Variants in RNGTT observed in about 807,000 individuals in gnomAD.
RNGTT encodes the protein RNA guanylyltransferase and 5'-phosphatase.
In RNGTT, 33 loss-of-function variants were observed where a neutral mutation model predicts 79.3. The observed-to-expected ratio is 0.42, with a 90% CI of 0.32 to 0.56. The LOEUF (loss-of-function observed/expected upper bound fraction) is 0.56, where lower values mean the gene tolerates loss of function less well. Ranked by LOEUF, RNGTT falls within the 20% of genes least tolerant of loss-of-function variation. The pLI is 0.17. For synonymous variants in RNGTT, 222 were observed against 235.9 expected (o/e 0.94, Z 0.54); for missense variants, 497 against 739.1 (o/e 0.67, Z 3.80).
intron 11 of RNGTT, among the ~76,000 whole-genome samples, chr6:88,819,566 T>G (rs760617060): frequency 1.3e-5 from 2 of 152,190 alleles, no homozygotes; most frequent in Non-Finnish European, 2.9e-5. Context: ...CACCAGCTAC[T>G]CTAATCTTAA....
At chr6:88,664,360 CTTAG>C (rs1242916003) in intron 14 of RNGTT, among the ~76,000 whole-genome samples, 3 of 152,070 alleles carry the variant, frequency 2.0e-5, no homozygotes, top group East Asian at 3.8e-4. Flanking sequence ...TTAACATGGC[CTTAG>C]TTAGTCAAAG....
At chr6:88,882,783 C>T (rs1782731060) in intron 8 of RNGTT, among the ~76,000 whole-genome samples, 1 of 152,144 alleles carries the variant, frequency 6.6e-6, no homozygotes, top group Non-Finnish European at 1.5e-5. Flanking sequence ...ACAAAGCATT[C>T]GCCCCTTCAG....
intron 13 of RNGTT, among the ~76,000 whole-genome samples, chr6:88,682,258 G>A (rs1017586175): frequency 4.6e-5 from 7 of 152,080 alleles, no homozygotes; most frequent in African/African-American, 1.7e-4. Context: ...CTATCTACAA[G>A]CCATAACTAT....
intron 5 of RNGTT, among the ~76,000 whole-genome samples, 182 bp downstream of exon 5, chr6:88,906,183 A>G (rs1300009710): frequency 1.3e-5 from 2 of 152,158 alleles, no homozygotes; most frequent in African/African-American, 4.8e-5. Flanking sequence ...ACACATACAC[A>G]CATACACACA....
At chr6:88,785,201 C>A (rs1489454535) in intron 12 of RNGTT, among the ~76,000 whole-genome samples, 1 of 151,874 alleles carries the variant, frequency 6.6e-6, no homozygotes, top group Non-Finnish European at 1.5e-5. Flanking sequence ...TGTATATTTA[C>A]CCTCTAGGAA....
intron 8 of RNGTT, among the ~76,000 whole-genome samples, chr6:88,860,737 G>C (rs551010276): frequency 1.4e-4 from 22 of 151,942 alleles, no homozygotes; most frequent in East Asian, 5.8e-4. Context: ...CACTCTGGGA[G>C]GCCAAAGCGG....
At chr6:88,916,534 T>C (rs952600456) in intron 4 of RNGTT, among the ~76,000 whole-genome samples, 1 of 152,212 alleles carries the variant, frequency 6.6e-6, no homozygotes, top group Non-Finnish European at 1.5e-5. Context: ...TAAAATTATA[T>C]CTCAATATGT....
chr6:88,708,714 A>G (rs1256089833), intron 13 of RNGTT, among the ~76,000 whole-genome samples: 1 of 151,984 alleles, frequency 6.6e-6, no homozygotes, highest in Non-Finnish European at 1.5e-5. Flanking sequence ...GGGTTTGCAG[A>G]CTTTTTTCTG....
In RNGTT at chr6:88,859,709, T is replaced by C. The variant is rs570321501; in HGVS notation, c.897-5945A>G. ...TATCTCTGAGAGGAAACAGCAAGAC[T>C]GGTGCAGAGAGTGACAAAAGAAGTT... On this transcript the variant is annotated intron_variant, in intron 8 of 15. Transcript: ENST00000369485. Among the ~76,000 whole-genome samples the C allele has an allele frequency of 2.2e-4, 33 of 152,162 alleles. 1 individual carries two copies. The highest frequency in any genetic ancestry group is 8.3e-4 in the South Asian group (4 of 4,826).
intron 11 of RNGTT, among the ~76,000 whole-genome samples, chr6:88,818,369 G>A (rs1780392879): frequency 6.6e-6 from 1 of 152,012 alleles, no homozygotes; most frequent in African/African-American, 2.4e-5. Context: ...GATCACCCGA[G>A]GTCAGGAGTT....
At chr6:88,749,523 T>G (rs1232547623) in intron 13 of RNGTT, among the ~76,000 whole-genome samples, 1 of 150,554 alleles carries the variant, frequency 6.6e-6, no homozygotes, top group Non-Finnish European at 1.5e-5. Context: ...GAGGGAAAAG[T>G]ATAGAAAAAG....
chr6:88,884,414 G>C (rs2127929937), intron 8 of RNGTT, among the ~76,000 whole-genome samples: 1 of 152,218 alleles, frequency 6.6e-6, no homozygotes, highest in Admixed American at 6.5e-5. Flanking sequence ...AAAGTGTATG[G>C]TATCTTTCCT....
chr6:88,771,293 G>C (rs1305658198), intron 12 of RNGTT, among the ~76,000 whole-genome samples: 3 of 78,598 alleles, frequency 3.8e-5, no homozygotes, highest in Admixed American at 1.4e-4. Flanking sequence ...GCACAGGACT[G>C]TATGTATGTA....
intron 8 of RNGTT, among the ~76,000 whole-genome samples, chr6:88,874,167 A>T (rs1375550005): frequency 6.6e-6 from 1 of 152,166 alleles, no homozygotes; most frequent in Non-Finnish European, 1.5e-5. Flanking sequence ...CCATTTATGT[A>T]ACAGGTTATG....
intron 14 of RNGTT, among the ~76,000 whole-genome samples, chr6:88,672,599 A>C (rs1028266503): frequency 4.6e-5 from 7 of 152,166 alleles, no homozygotes; most frequent in Non-Finnish European, 8.8e-5. Flanking sequence ...CACATTGGGT[A>C]CATTGTACAC....
chr6:88,798,157 TCTG>T (rs1354232171), intron 12 of RNGTT, among the ~76,000 whole-genome samples: 1 of 151,984 alleles, frequency 6.6e-6, no homozygotes, highest in Non-Finnish European at 1.5e-5. Context: ...CCTTCATTAT[TCTG>T]AATATAAAAA....
chr6:88,815,791 A>C (rs1266449560), intron 11 of RNGTT, among the ~76,000 whole-genome samples: 1 of 152,226 alleles, frequency 6.6e-6, no homozygotes, highest in African/African-American at 2.4e-5. Context: ...GCTTCACTTT[A>C]ATAGACATTG....
At chr6:88,765,043 T>G (rs1778409886) in intron 13 of RNGTT, among the ~76,000 whole-genome samples, 1 of 151,940 alleles carries the variant, frequency 6.6e-6, no homozygotes, top group African/African-American at 2.4e-5. Context: ...ATACAAAAAA[T>G]TAGCCGGGCA....
At chr6:88,708,640 C>G (rs1399186513) in intron 13 of RNGTT, among the ~76,000 whole-genome samples, 1 of 152,188 alleles carries the variant, frequency 6.6e-6, no homozygotes, top group Admixed American at 6.5e-5. Context: ...TCTCAGCTCT[C>G]TGCCCGGCAG....
Sources: gnomAD v4.1 joint callset for allele counts (sites outside exome capture counted in the v4.1 genomes callset) on GRCh38, gnomAD v4.1.1 for gene constraint, MANE v1.5 for transcripts, NCBI Gene and HGNC (gene_info 2026-07-23, HGNC 2026-07-21) for gene names.